The following MEG3 variants were observed in gnomAD, a reference collection of about 807,000 sequenced individuals.
MEG3 encodes the protein Very putative protein from MEG3 locus.
chr14:100,830,683 A>C (rs1192985636), downstream of MEG3: 1 of 152,238 alleles, frequency 6.6e-6, no homozygotes, highest in African/African-American at 2.4e-5. Flanking sequence ...TACAAAGATA[A>C]TGAAAACAGT....
chr14:100,840,935 C>T (rs1009241648), intron 2 of MEG3, among the ~76,000 whole-genome samples: 6 of 152,230 alleles, frequency 3.9e-5, no homozygotes, highest in African/African-American at 1.4e-4. Flanking sequence ...CCAGCCCTTT[C>T]TCTGGGCCTT....
chr14:100,848,802 A>G (rs2037989476), intron 3 of MEG3: 1 of 152,204 alleles, frequency 6.6e-6, no homozygotes. Context: ...GGAGTGAGGA[A>G]TGGGAAAATT....
intron 1 of MEG3, chr14:100,860,547 C>T (rs2038374606): frequency 4.7e-6 from 2 of 424,802 alleles, no homozygotes; most frequent in African/African-American, 2.0e-5. Flanking sequence ...GTGCTCCCCT[C>T]ACCCTCCATG....
At chr14:100,834,325 G>T in exon 1 of MEG3, 2 of 214,138 alleles carry the variant, frequency 9.3e-6, no homozygotes, top group Non-Finnish European at 9.4e-6. Context: ...TGCTGCAGTA[G>T]CTCCTGTGGA....
At chr14:100,836,497 T>C (rs1414101304) in intron 2 of MEG3, among the ~76,000 whole-genome samples, 2 of 152,046 alleles carry the variant, frequency 1.3e-5, no homozygotes, top group African/African-American at 4.8e-5. Context: ...CCAGCAAGCA[T>C]GTGTGGGGGT....
At chr14:100,836,090 C>T in intron 1 of MEG3, 16 of 396,930 alleles carry the variant, frequency 4.0e-5, no homozygotes, top group South Asian at 2.0e-4. Flanking sequence ...GGCCGTGCCC[C>T]GAGTCTTTCT....
chr14:100,842,483 G>T (rs961802956), intron 2 of MEG3, among the ~76,000 whole-genome samples: 1 of 152,146 alleles, frequency 6.6e-6, no homozygotes, highest in Non-Finnish European at 1.5e-5. Context: ...AATGTCCAGG[G>T]CCCCGGCCTC....
At chr14:100,835,938 G>GC in intron 1 of MEG3, 1 of 325,628 alleles carries the variant, frequency 3.1e-6, no homozygotes, top group South Asian at 2.5e-5. Flanking sequence ...CCTGGGCTCT[G>GC]CCCCGCCCGG....
chr14:100,842,368 C>T (rs1331644658), intron 2 of MEG3, among the ~76,000 whole-genome samples: 1 of 152,162 alleles, frequency 6.6e-6, no homozygotes, highest in Non-Finnish European at 1.5e-5. Context: ...TCCTCTGTAA[C>T]CTGACCAAGT....
intron 2 of MEG3, among the ~76,000 whole-genome samples, chr14:100,840,723 G>T (rs954860282): frequency 1.3e-5 from 2 of 152,220 alleles, no homozygotes; most frequent in African/African-American, 2.4e-5. Flanking sequence ...TAGCAAAGGG[G>T]AATCAGAGTG....
chr14:100,840,408 G>A (rs1276162395), intron 2 of MEG3, among the ~76,000 whole-genome samples: 1 of 152,150 alleles, frequency 6.6e-6, no homozygotes, highest in Non-Finnish European at 1.5e-5. Context: ...AGCCCCCCGT[G>A]GGGAACAGCC....
At chr14:100,835,632 G>A (rs2037548186) in exon 1 of MEG3, 1 of 156,556 alleles carries the variant, frequency 6.4e-6, no homozygotes, top group South Asian at 2.0e-4. Flanking sequence ...TAGCAGGCTG[G>A]TTCTCCCTGC....
chr14:100,838,748 C>G (rs1048947956), intron 2 of MEG3, among the ~76,000 whole-genome samples: 1 of 152,098 alleles, frequency 6.6e-6, no homozygotes, highest in Non-Finnish European at 1.5e-5. Flanking sequence ...GGTCTGGAAA[C>G]TGGCTCTCCT....
At chr14:100,826,540 G>A (rs754934959) in intron 1 of MEG3, among the ~76,000 whole-genome samples, 3 of 152,214 alleles carry the variant, frequency 2.0e-5, no homozygotes, top group Non-Finnish European at 4.4e-5. Context: ...GTATACGGCA[G>A]TCACTGGGGG....
chr14:100,838,196 A>C (rs978804652), intron 2 of MEG3, among the ~76,000 whole-genome samples: 6 of 152,134 alleles, frequency 3.9e-5, no homozygotes, highest in Admixed American at 3.9e-4. Flanking sequence ...CCCAAGGTGG[A>C]CTAAGCCCAG....
chr14:100,853,763 C>G (rs934999517), upstream of MEG3: 2 of 152,146 alleles, frequency 1.3e-5, no homozygotes, highest in Admixed American at 1.3e-4. Context: ...TGAATAATGC[C>G]ACAACTAACT....
intron 1 of MEG3, among the ~76,000 whole-genome samples, chr14:100,828,247 T>C (rs1162895652): frequency 1.3e-5 from 2 of 152,018 alleles, no homozygotes; most frequent in South Asian, 2.1e-4. Context: ...CCTAGCGGTG[T>C]GTGCCAGCCC....
At chr14:100,834,357 C>T (rs2037489023) in exon 1 of MEG3, 4 of 261,790 alleles carry the variant, frequency 1.5e-5, no homozygotes, top group East Asian at 1.0e-4. Flanking sequence ...CCGGAGAGGG[C>T]GTGGAAGAAA....
At chr14:100,858,824 T>TAA (rs2038318230) in exon 1 of MEG3, 1 of 152,740 alleles carries the variant, frequency 6.5e-6, no homozygotes, top group Non-Finnish European at 1.5e-5. Flanking sequence ...GCCCCTCCTA[T>TAA]TGCTCCCAAG....
Sources: allele counts gnomAD v4.1 joint callset (sites outside exome capture counted in the v4.1 genomes callset), GRCh38; gene constraint gnomAD v4.1.1; transcripts MANE v1.5; gene names NCBI Gene and HGNC (gene_info 2026-07-23, HGNC 2026-07-21).